PDE7B: variants seen among roughly 807,000 people sequenced by gnomAD.
PDE7B encodes phosphodiesterase 7B, also known as 3',5'-cyclic-AMP phosphodiesterase 7B.
Under a neutral mutation model 56.2 loss-of-function variants are expected in PDE7B, and 29 were observed. That is an observed-to-expected ratio of 0.52 (90% CI 0.38 to 0.70). The LOEUF (loss-of-function observed/expected upper bound fraction) is 0.70, where lower values mean the gene tolerates loss of function less well. Among genes scored for constraint, PDE7B ranks in the 30% least tolerant of loss-of-function variants. The probability of loss-of-function intolerance (pLI) is 0.00; values close to 1 mark genes in which losing one functional copy is unlikely to be tolerated. For missense variants in PDE7B, 490 were observed against 565.0 expected (o/e 0.87, Z 1.35); for synonymous variants, 197 against 196.9 (o/e 1.00, Z 0.00).
At chr6:135,873,889 T>G (rs1775438732) in intron 1 of PDE7B, among the ~76,000 whole-genome samples, 1 of 152,174 alleles carries the variant, frequency 6.6e-6, no homozygotes, top group Non-Finnish European at 1.5e-5. Flanking sequence ...CATTTATTCA[T>G]TCAACAAATA....
intron 3 of PDE7B, among the ~76,000 whole-genome samples, chr6:136,120,872 C>G (rs1020218116): frequency 6.6e-6 from 1 of 152,164 alleles, no homozygotes; most frequent in African/African-American, 2.4e-5. Flanking sequence ...CCATTGTTTT[C>G]AGCTTTCCCC....
At chr6:135,873,750 T>C (rs1775435890) in intron 1 of PDE7B, among the ~76,000 whole-genome samples, 1 of 152,256 alleles carries the variant, frequency 6.6e-6, no homozygotes. Flanking sequence ...TTCACAGACA[T>C]AGACAATGTT....
At chr6:135,943,366 T>C (rs1270900311) in intron 1 of PDE7B, among the ~76,000 whole-genome samples, 2 of 152,192 alleles carry the variant, frequency 1.3e-5, no homozygotes, top group African/African-American at 4.8e-5. Context: ...TTGATCAGTC[T>C]GATCCAAAGC....
chr6:135,983,113 T>C (rs959250789), intron 2 of PDE7B, among the ~76,000 whole-genome samples: 2 of 152,166 alleles, frequency 1.3e-5, no homozygotes, highest in Non-Finnish European at 2.9e-5. Flanking sequence ...GCTAAAGAAA[T>C]GAATCTCTAA....
At chr6:135,865,524 A>T (rs374503570) in intron 1 of PDE7B, among the ~76,000 whole-genome samples, 1 of 151,178 alleles carries the variant, frequency 6.6e-6, no homozygotes. Context: ...TGATCTCTTG[A>T]GTGTTTATAG....
chr6:135,901,401 T>A (rs552713183), intron 1 of PDE7B, among the ~76,000 whole-genome samples: 1 of 152,340 alleles, frequency 6.6e-6, no homozygotes, highest in South Asian at 2.1e-4. Flanking sequence ...ACAGTGGTAC[T>A]TTATTAAAAT....
chr6:136,014,211 T>C (rs1292024329), intron 2 of PDE7B, among the ~76,000 whole-genome samples: 1 of 152,250 alleles, frequency 6.6e-6, no homozygotes, highest in East Asian at 1.9e-4. Flanking sequence ...ACTTGAAATA[T>C]AGAGGAAAGC....
chr6:135,960,827 T>C (rs1264021490), intron 2 of PDE7B, among the ~76,000 whole-genome samples: 1 of 152,112 alleles, frequency 6.6e-6, no homozygotes, highest in Non-Finnish European at 1.5e-5. Context: ...AATTAAAGAG[T>C]ATATTCTTTG....
chr6:136,009,386 C>T (rs1775848379), intron 2 of PDE7B, among the ~76,000 whole-genome samples: 1 of 151,980 alleles, frequency 6.6e-6, no homozygotes, highest in African/African-American at 2.4e-5. Flanking sequence ...TCATTGGTAG[C>T]TTGATGGGGA....
chr6:135,995,565 G>A lies in PDE7B; in HGVS notation c.82+48041G>A, dbSNP rs140712282. Among the ~76,000 whole-genome samples, 986 of 151,078 alleles carry A rather than the reference G, an allele frequency of 6.5e-3. 14 individuals are homozygous for A. The highest frequency in any genetic ancestry group is 0.023 in the African/African-American group (942 of 40,432). Reference sequence around the variant, plus strand: ...CAAATGGGAAGTTGGTCTCTTCTGAGGAGAATAGAAAATTAGTGTTAGAAA... The same window carrying A: ...CAAATGGGAAGTTGGTCTCTTCTGAAGAGAATAGAAAATTAGTGTTAGAAA... On this transcript the variant is annotated intron_variant, in intron 2 of 12. Transcript: ENST00000308191.
intron 2 of PDE7B, among the ~76,000 whole-genome samples, chr6:136,062,023 T>A (rs984849027): frequency 6.6e-6 from 1 of 152,172 alleles, no homozygotes; most frequent in Non-Finnish European, 1.5e-5. Flanking sequence ...TAAAATAGCA[T>A]GTGATGCTTA....
intron 3 of PDE7B, among the ~76,000 whole-genome samples, chr6:136,139,125 C>G (rs560735991): frequency 6.6e-6 from 1 of 152,244 alleles, no homozygotes; most frequent in African/African-American, 2.4e-5. Context: ...CCCCTTCCCC[C>G]GACGCCACAA....
intron 8 of PDE7B, among the ~76,000 whole-genome samples, chr6:136,158,270 TATAAGTTACTCTTATCAAATTTTAAA>T (rs1158669741): frequency 5.8e-4 from 88 of 152,208 alleles, no homozygotes; most frequent in African/African-American, 2.1e-3. Context: ...GGAGAGGGTC[TATAAGTTACTCTTATCAAATTTTAAA>T]ATAAGTTGCA....
chr6:135,857,796 C>T (rs931355285), intron 1 of PDE7B, among the ~76,000 whole-genome samples: 1 of 152,066 alleles, frequency 6.6e-6, no homozygotes, highest in African/African-American at 2.4e-5. Context: ...ATGCAAAAAT[C>T]TGGAATAATT....
intron 3 of PDE7B, among the ~76,000 whole-genome samples, chr6:136,137,576 C>T (rs113717896): frequency 3.2e-4 from 48 of 152,076 alleles, no homozygotes; most frequent in African/African-American, 1.1e-3. Flanking sequence ...TTGACATAGA[C>T]CTATTTCAGG....
chr6:136,003,706 A>T (rs1039886067), intron 2 of PDE7B, among the ~76,000 whole-genome samples: 6 of 152,250 alleles, frequency 3.9e-5, no homozygotes, highest in African/African-American at 1.4e-4. Context: ...TGTGGCAATA[A>T]TCAATAGCTT....
chr6:136,052,624 C>G (rs964955421), intron 2 of PDE7B, among the ~76,000 whole-genome samples: 2 of 148,704 alleles, frequency 1.3e-5, no homozygotes, highest in African/African-American at 2.5e-5. Flanking sequence ...ACAGCCCCCC[C>G]CCACCCACAG....
At chr6:136,026,768 G>T (rs1267862662) in intron 2 of PDE7B, among the ~76,000 whole-genome samples, 1 of 152,130 alleles carries the variant, frequency 6.6e-6, no homozygotes, top group East Asian at 1.9e-4. Flanking sequence ...TGCTGTATCT[G>T]GTACATAAGC....
chr6:136,038,576 C>G (rs76393848), intron 2 of PDE7B: 1 of 1,223,988 alleles, frequency 8.2e-7, no homozygotes, highest in Non-Finnish European at 1.0e-6. Context: ...AGTCTGATAA[C>G]TAACTCCCTT....
Sources: allele counts gnomAD v4.1 joint callset (sites outside exome capture counted in the v4.1 genomes callset), GRCh38; gene constraint gnomAD v4.1.1; transcripts MANE v1.5; gene names NCBI Gene and HGNC (gene_info 2026-07-23, HGNC 2026-07-21).